The following EHMT1 variants were observed in gnomAD, a reference collection of about 807,000 sequenced individuals.
The protein encoded by EHMT1 is euchromatic histone lysine methyltransferase 1, also known as histone-lysine N-methyltransferase EHMT1.
A neutral mutation model predicts 147.2 loss-of-function variants in EHMT1; 15 were observed. The observed-to-expected ratio is 0.10, with a 90% CI of 0.07 to 0.16. The LOEUF is 0.16. Among genes scored for constraint, EHMT1 ranks in the 10% least tolerant of loss-of-function variants. The pLI is 1.00. For missense variants in EHMT1, 1,587 were observed against 1,772.4 expected, an observed-to-expected ratio of 0.90 and a Z score of 1.88; for synonymous variants, 795 against 709.6, an observed-to-expected ratio of 1.12 and a Z score of -1.91.
intron 3 of EHMT1, among the ~76,000 whole-genome samples, chr9:137,726,088 G>A (rs1334849333): frequency 4.1e-5 from 2 of 48,432 alleles, no homozygotes; most frequent in Admixed American, 2.8e-4. Flanking sequence ...GTGCCTTGTC[G>A]TGTGTGTGTG....
intron 23 of EHMT1, chr9:137,816,311 G>C (rs1156758821): frequency 1.8e-6 from 1 of 556,368 alleles, no homozygotes; most frequent in African/African-American, 1.9e-5. Context: ...GGTCAGTCCA[G>C]CTAAAAGCAG....
chr9:137,794,720 C>G (rs117710040), intron 16 of EHMT1, among the ~76,000 whole-genome samples: 1 of 150,668 alleles, frequency 6.6e-6, no homozygotes, highest in Non-Finnish European at 1.5e-5. Flanking sequence ...TGAAATATTA[C>G]TGACTTCTCA....
chr9:137,729,724 C>T (rs538498153), intron 4 of EHMT1, among the ~76,000 whole-genome samples: 1 of 151,956 alleles, frequency 6.6e-6, no homozygotes, highest in African/African-American at 2.4e-5. Flanking sequence ...CCATGTATTA[C>T]TTTTTTTTCT....
chr9:137,654,165 A>C (rs1200152546), intron 1 of EHMT1, among the ~76,000 whole-genome samples: 3 of 152,174 alleles, frequency 2.0e-5, no homozygotes, highest in African/African-American at 7.2e-5. Flanking sequence ...GGAGTGCGAG[A>C]CCAGCTTGGC....
chr9:137,800,533 T>TC (rs1052180835), intron 17 of EHMT1: 10 of 296,438 alleles, frequency 3.4e-5, no homozygotes, highest in Non-Finnish European at 6.6e-5. Flanking sequence ...AAGTTTCAGC[T>TC]CCCGTGTGTG....
At chr9:137,802,805 TCCAGG>T in intron 18 of EHMT1, 12 of 1,231,752 alleles carry the variant, frequency 9.7e-6, no homozygotes, top group Non-Finnish European at 1.2e-5. Flanking sequence ...CATGACTGTA[TCCAGG>T]GGGTTTCTAC....
At chr9:137,705,230 C>G (rs1462642135) in intron 1 of EHMT1, among the ~76,000 whole-genome samples, 1 of 152,140 alleles carries the variant, frequency 6.6e-6, no homozygotes, top group Non-Finnish European at 1.5e-5. Context: ...TGAGCTCAAG[C>G]AGTCCTCCTT....
rs977313756 is a variant in EHMT1 at position 137,776,899 on chromosome 9, A to G, written c.2018+55A>G. On this transcript the variant is annotated intron_variant, in intron 12 of 26. Transcript: ENST00000460843. The surrounding 1 kb of genome is among the most constrained non-coding windows in gnomAD (Gnocchi z 4.4). ...CCAGTCGTCCACCTGAAAAAGTTTC[A>G]GTTGTTAACTCAACGTTATTGCTTC... 6.5e-7 allele frequency: 1 copy of G among 1,547,294 alleles called. No individual in the cohort carries two copies. The highest frequency in any genetic ancestry group is 1.4e-5 in the African/African-American group (1 of 73,562).
At chr9:137,815,062 G>T (rs933002356) in intron 22 of EHMT1, among the ~76,000 whole-genome samples, 3 of 152,016 alleles carry the variant, frequency 2.0e-5, no homozygotes, top group African/African-American at 7.3e-5. Flanking sequence ...CTAAGCAGAG[G>T]CGGAGAGTTC....
At chr9:137,803,318 A>T (rs1953657539) in intron 18 of EHMT1, 1 of 991,932 alleles carries the variant, frequency 1.0e-6, no homozygotes, top group Non-Finnish European at 1.2e-6. Context: ...CGGAAGAGTG[A>T]GCCCAGTCCT....
Position 137,717,015 on chromosome 9 carries a change from G to C in EHMT1, c.475G>C (p.Ala159Pro), listed in dbSNP as rs1254366600. 5 of 1,606,680 alleles carry C rather than the reference G, an allele frequency of 3.1e-6. No individual in the cohort carries two copies. Among genetic ancestry groups the C allele is most frequent in the East Asian group, 4.5e-5 (2 of 44,746 alleles). ...TGCTGCAAAAACCCTTCCTGGAGGG[G>C]CTGGCAAAGGCAGGACTCCAAGCGC... ...GHAAKTLPGG[A>P]GKGRTPSAFP... The change falls in exon 3 of 27, where the codon GCT (alanine) becomes CCT (proline). Residue 159 changes from alanine to proline, a missense_variant. Around this residue, in one of 7 missense-constraint regions of EHMT1, gnomAD observed 810 missense variants for 673.0 expected, o/e 1.20. Transcript: ENST00000460843.
chr9:137,658,572 G>GT (rs1010264497), intron 1 of EHMT1, among the ~76,000 whole-genome samples: 14 of 148,118 alleles, frequency 9.5e-5, no homozygotes, highest in East Asian at 2.0e-4. Flanking sequence ...ATTATCTTTT[G>GT]TTTTTTTTTA....
At chr9:137,797,849 G>A (rs926221500) in intron 16 of EHMT1, among the ~76,000 whole-genome samples, 4 of 152,164 alleles carry the variant, frequency 2.6e-5, no homozygotes, top group Non-Finnish European at 4.4e-5. Context: ...AACACCTGAA[G>A]GGAGACGGTG....
intron 1 of EHMT1, among the ~76,000 whole-genome samples, chr9:137,687,732 C>G (rs561811236): frequency 1.3e-5 from 2 of 152,330 alleles, no homozygotes; most frequent in South Asian, 2.1e-4. Context: ...CCTGGCCACA[C>G]GCTGAATTTG....
At chr9:137,661,395 G>C (rs1339182776) in intron 1 of EHMT1, among the ~76,000 whole-genome samples, 2 of 151,332 alleles carry the variant, frequency 1.3e-5, no homozygotes, top group Non-Finnish European at 2.9e-5. Context: ...CTTTTTTATT[G>C]GAGTAAGGAA....
chr9:137,759,854 C>G (rs1269058781), intron 9 of EHMT1, among the ~76,000 whole-genome samples: 5 of 152,144 alleles, frequency 3.3e-5, no homozygotes, highest in Admixed American at 3.3e-4. Context: ...GTGTGTGTTT[C>G]AGATGGGACA....
intron 7 of EHMT1, among the ~76,000 whole-genome samples, chr9:137,752,816 G>A (rs1365190980): frequency 4.6e-5 from 7 of 152,030 alleles, no homozygotes; most frequent in Non-Finnish European, 8.8e-5. Flanking sequence ...AGGGTGTGGC[G>A]GGAGCCGGCA....
At chr9:137,767,532 G>T (rs926895404) in intron 10 of EHMT1, among the ~76,000 whole-genome samples, 1 of 152,334 alleles carries the variant, frequency 6.6e-6, no homozygotes, top group Admixed American at 6.5e-5. Context: ...AAATCTGAGA[G>T]CAGGGTGAGG....
At chr9:137,780,522 G>T (rs562848094) in intron 14 of EHMT1, among the ~76,000 whole-genome samples, 1 of 136,992 alleles carries the variant, frequency 7.3e-6, no homozygotes, top group Non-Finnish European at 1.5e-5. Flanking sequence ...ATGACGCTGG[G>T]ATGTGTGGTG....
Sources: gnomAD v4.1 joint callset for allele counts (sites outside exome capture counted in the v4.1 genomes callset) on GRCh38, gnomAD v4.1.1 for gene constraint, gnomAD v4.1.1 regional missense constraint, Gnocchi (gnomAD v3.1) non-coding constraint, MANE v1.5 for transcripts, NCBI Gene and HGNC (gene_info 2026-07-23, HGNC 2026-07-21) for gene names.